The following EIF4ENIF1 variants were observed in gnomAD, a reference collection of about 807,000 sequenced individuals.
The protein encoded by EIF4ENIF1 is eukaryotic translation initiation factor 4E transporter.
EIF4ENIF1 carries 23 observed loss-of-function variants against 110.5 expected under a neutral mutation model. That is an observed-to-expected ratio of 0.21 (90% CI 0.15 to 0.29). EIF4ENIF1 has a LOEUF of 0.29. Ranked by LOEUF, EIF4ENIF1 falls within the 10% of genes least tolerant of loss-of-function variation. EIF4ENIF1 has a pLI of 1.00. For synonymous variants in EIF4ENIF1, 440 were observed against 437.0 expected (o/e 1.01, Z -0.09); for missense variants, 1,031 against 1,221.1 (o/e 0.84, Z 2.32).
chr22:31,466,797 C>T (rs903967137), intron 4 of EIF4ENIF1, among the ~76,000 whole-genome samples: 1 of 152,066 alleles, frequency 6.6e-6, no homozygotes, highest in East Asian at 1.9e-4. Flanking sequence ...TATGTAAATT[C>T]TATCTCAATA....
At chr22:31,457,715 G>C (rs1331410277) in intron 7 of EIF4ENIF1, among the ~76,000 whole-genome samples, 1 of 152,070 alleles carries the variant, frequency 6.6e-6, no homozygotes, top group Non-Finnish European at 1.5e-5. Context: ...TTTAATTCAA[G>C]ACCCTAATTA....
In EIF4ENIF1 at chr22:31,439,887, C is replaced by G. The variant is rs1256864815; in HGVS notation, c.2951G>C (p.Arg984Pro). 1.9e-6 allele frequency: 3 copies of G among 1,613,268 alleles called. No individual in the cohort carries two copies. The highest frequency in any genetic ancestry group is 1.7e-6 in the Non-Finnish European group (2 of 1,180,016). Residue 984 changes from arginine to proline, a missense_variant, in exon 19 of 19, where the codon CGA becomes CCA. Arg to Pro is a moderately radical substitution (Grantham distance 103). Transcript: ENST00000330125. ...KVISVDELEYRQ is the reference protein window; with the variant it reads ...KVISVDELEYPQ ...TGAGTCTGCCTGCCCTGCTCACTGT[C>G]GGTATTCCAATTCATCTACACTGAT...
At chr22:31,488,262 G>A (rs993384583) in intron 2 of EIF4ENIF1, among the ~76,000 whole-genome samples, 5 of 152,132 alleles carry the variant, frequency 3.3e-5, no homozygotes, top group African/African-American at 1.2e-4. Flanking sequence ...CAATACAGAG[G>A]ACACTAACTT....
In EIF4ENIF1 at chr22:31,487,810, A is replaced by G. The variant is rs559159772; in HGVS notation, c.96+813T>C. Among the ~76,000 whole-genome samples, 625 of 151,872 alleles carry G rather than the reference A, an allele frequency of 4.1e-3. 3 individuals carry two copies. The highest frequency in any genetic ancestry group is 9.1e-3 in the South Asian group (44 of 4,810). ...GTCGGGTGCAAAAAAAAAAAAAAAA[A>G]AAAGAAAAATCCATACTAAGGAAAT... On this transcript the variant is annotated intron_variant, in intron 2 of 18. Transcript: ENST00000330125.
chr22:31,456,948 A>T (rs1415361233), intron 7 of EIF4ENIF1, among the ~76,000 whole-genome samples: 1 of 152,236 alleles, frequency 6.6e-6, no homozygotes, highest in Non-Finnish European at 1.5e-5. Context: ...TTCCACTGAC[A>T]AGCTGATGAG....
At chr22:31,439,271 C>CT (rs2050222437), downstream of EIF4ENIF1, 1 of 152,902 alleles carries the variant, frequency 6.5e-6, no homozygotes, top group South Asian at 2.1e-4. Context: ...GATTGCACCA[C>CT]TGTACTCCAG....
rs755627422 is a variant in EIF4ENIF1 at position 31,440,002 on chromosome 22, T to C, written c.2836A>G (p.Ser946Gly). The change falls in exon 19 of 19, where the codon AGC becomes GGC. Residue 946 changes from serine (S) to glycine (G), a missense_variant. Physicochemically the swap from Ser to Gly is moderately conservative, Grantham distance 56 (BLOSUM62 0). This residue lies in a region of EIF4ENIF1 where 309 missense variants were observed against 299.1 expected (regional missense o/e 1.03). Transcript: ENST00000330125. ...HMHSQLEHRP[S>G]QRSSSPVGLA... is the part of the protein sequence containing the mutation. ...CCCACAGGGGAGCTGCTCCTCTGGCTGGGGCGATGCTCCAGCTGGGAGTGC... is the reference window on the plus strand; with the variant it reads ...CCCACAGGGGAGCTGCTCCTCTGGCCGGGGCGATGCTCCAGCTGGGAGTGC... 1.2e-6 allele frequency: 2 copies of C among 1,614,010 alleles called. No individual in the cohort carries two copies. Among genetic ancestry groups the C allele is most frequent in the East Asian group, 4.5e-5 (2 of 44,880 alleles).
chr22:31,467,126 G>A (rs762588010), intron 4 of EIF4ENIF1, among the ~76,000 whole-genome samples: 3 of 152,108 alleles, frequency 2.0e-5, no homozygotes, highest in South Asian at 2.1e-4. Flanking sequence ...AAGTTTACGC[G>A]ACCCATTTCT....
In EIF4ENIF1 at chr22:31,456,287, G is replaced by A. The variant is rs561004650; in HGVS notation, c.964-300C>T. Among the ~76,000 whole-genome samples, 219 of 145,298 alleles carry A rather than the reference G, an allele frequency of 1.5e-3. 3 individuals carry two copies. The South Asian group carries it at 0.039, about 26-fold the overall frequency. On this transcript the variant is annotated intron_variant, in intron 7 of 18. Coordinates refer to ENST00000330125, the MANE Select transcript of EIF4ENIF1 (RefSeq NM_019843.4). Reference sequence around the variant, plus strand: ...CACCCAGGCTGGAGTGCAGTGGCACGATCTCGGCTCACTGCAAGCTCCGCC... The same window carrying A: ...CACCCAGGCTGGAGTGCAGTGGCACAATCTCGGCTCACTGCAAGCTCCGCC...
Position 31,449,505 on chromosome 22 carries a change from T to C in EIF4ENIF1, c.1611A>G (p.Arg537=), listed in dbSNP as rs2050583195. ...CACTCAGAAGATTGGAAGAAGCAGG[T>C]CTCTGAACTGGTTGACCCAGAAGTT... is the stretch of plus-strand genomic sequence containing the variant. ...LQELLGQPVQ[R]PASSNLLSGL... The change falls in exon 12 of 19, where the codon AGA becomes AGG. Residue 537 remains arginine (R), a synonymous_variant. Transcript: ENST00000330125. 1 of 1,613,488 alleles carries C rather than the reference T, an allele frequency of 6.2e-7. No homozygotes were observed.
At chr22:31,468,070 C>T in intron 4 of EIF4ENIF1, 105 bp downstream of exon 4, 1 of 1,482,018 alleles carries the variant, frequency 6.7e-7, no homozygotes, top group South Asian at 1.3e-5. Flanking sequence ...CTGATAATGA[C>T]ATTTCCCCTC....
rs2050265861 is a variant in EIF4ENIF1 at position 31,440,735 on chromosome 22, C to T, written c.2685G>A (p.Leu895=). 6.2e-7 allele frequency: 1 copy of T among 1,613,940 alleles called. No individual in the cohort carries two copies. The change falls in exon 18 of 19, where the codon CTG becomes CTA. Residue 895 remains leucine, a synonymous_variant. Coordinates refer to ENST00000330125, the MANE Select transcript of EIF4ENIF1 (RefSeq NM_019843.4). ...LNPRPGTPLH[L]AMVQQQLQRS... ...GCTGTAGCTGCTGTTGCACCATTGC[C>T]AGATGCAGAGGTGTTCCAGGACGAG...
At chr22:31,440,944 T>G (rs1459353680) in intron 17 of EIF4ENIF1, 76 bp from the exon 18 acceptor site, 13 of 1,564,786 alleles carry the variant, frequency 8.3e-6, no homozygotes, top group Admixed American at 1.9e-5. Flanking sequence ...TGTACAGTTT[T>G]GCTGATCTGG....
In EIF4ENIF1 at chr22:31,463,082, A is replaced by G; in HGVS notation, c.637T>C (p.Ser213Pro). ...CACTCTGGTTCTTCTTCTGTGTAAGAATCATTTCTTCTACGCTCACCAAAG... is the reference window on the plus strand; with the variant it reads ...CACTCTGGTTCTTCTTCTGTGTAAGGATCATTTCTTCTACGCTCACCAAAG... ...RVFGERRRND[S>P]YTEEEPEWFS... is the part of the protein sequence containing the mutation. Residue 213 changes from serine (S) to proline (P), a missense_variant, in exon 6 of 19, where the codon TCT (serine) becomes CCT (proline). Physicochemically the swap from Ser to Pro is moderately conservative, Grantham distance 74. Coordinates refer to ENST00000330125, the MANE Select transcript of EIF4ENIF1 (RefSeq NM_019843.4). 1.9e-6 allele frequency: 3 copies of G among 1,614,136 alleles called. No homozygotes were observed. The highest frequency in any genetic ancestry group is 1.7e-6 in the Non-Finnish European group (2 of 1,180,014).
rs1197996175 is a variant in EIF4ENIF1, at chr22:31,455,273, T to C, written c.1142A>G (p.Asn381Ser). The change falls in exon 9 of 19, where the codon AAT becomes AGT. Residue 381 changes from asparagine to serine, a missense_variant. Coordinates refer to ENST00000330125, the MANE Select transcript of EIF4ENIF1 (RefSeq NM_019843.4). ...AILSPGQNSG[N>S]YFAPIPLEDH... ...TTCCAATGGTATAGGAGCAAAGTAA[T>C]TCCCCGAGTTCTGTCCAGGAGAGAG... 2.5e-6 allele frequency: 4 copies of C among 1,611,618 alleles called. No individual in the cohort carries two copies. The African/African-American group carries it at 4.0e-5, about 16-fold the overall frequency.
intron 14 of EIF4ENIF1, 57 bp downstream of exon 14, chr22:31,447,369 A>T: frequency 6.3e-7 from 1 of 1,597,306 alleles, no homozygotes; most frequent in Non-Finnish European, 8.5e-7. Flanking sequence ...TAAGTAATTT[A>T]TTAGTTTCAG....
At chr22:31,450,264 G>C (rs199968604) in intron 11 of EIF4ENIF1, 25 bp downstream of exon 11, 1 of 1,600,782 alleles carries the variant, frequency 6.2e-7, no homozygotes, top group South Asian at 1.1e-5. Context: ...AGACTCCAAG[G>C]CCTCAGTATA....
intron 14 of EIF4ENIF1, 84 bp from the exon 15 acceptor site, chr22:31,444,774 G>C: frequency 3.7e-6 from 5 of 1,354,482 alleles, no homozygotes; most frequent in Non-Finnish European, 4.2e-6. Context: ...GACCAGCCTA[G>C]AAGTTTTAAC....
chr22:31,468,351 T>C, intron 3 of EIF4ENIF1, 49 bp from the exon 4 acceptor site: 6 of 1,607,294 alleles, frequency 3.7e-6, no homozygotes, highest in East Asian at 2.2e-5. Flanking sequence ...ATGAACCATA[T>C]AGGCAGTGTG....
Sources: gnomAD v4.1 joint callset for allele counts (sites outside exome capture counted in the v4.1 genomes callset) on GRCh38, gnomAD v4.1.1 for gene constraint, gnomAD v4.1.1 regional missense constraint, MANE v1.5 for transcripts, NCBI Gene and HGNC (gene_info 2026-07-23, HGNC 2026-07-21) for gene names.